The following KCNIP3 variants were observed in gnomAD, a reference collection of about 807,000 sequenced individuals.
KCNIP3 encodes calsenilin.
In KCNIP3, 28 loss-of-function variants were observed where a neutral mutation model predicts 35.0. The observed-to-expected ratio is 0.80, with a 90% CI of 0.59 to 1.10. The LOEUF is 1.10. Ranked by LOEUF, KCNIP3 falls within the 50% of genes least tolerant of loss-of-function variation. KCNIP3 has a pLI of 0.00. For missense variants in KCNIP3, 295 were observed against 338.4 expected (o/e 0.87, Z 1.01); for synonymous variants, 134 against 133.8 (o/e 1.00, Z -0.01).
At chr2:95,379,128 C>A (rs545200917) in intron 5 of KCNIP3, among the ~76,000 whole-genome samples, 1 of 151,840 alleles carries the variant, frequency 6.6e-6, no homozygotes, top group Non-Finnish European at 1.5e-5. Context: ...GTCCCCCCAG[C>A]CCCCCACCCA....
chr2:95,354,607 C>T (rs1679609083), intron 2 of KCNIP3, among the ~76,000 whole-genome samples: 1 of 152,154 alleles, frequency 6.6e-6, no homozygotes, highest in Non-Finnish European at 1.5e-5. Context: ...TGGGAGGTGA[C>T]CCCAAACACT....
At chr2:95,362,432 A>G (rs761036691) in intron 2 of KCNIP3, among the ~76,000 whole-genome samples, 1 of 152,102 alleles carries the variant, frequency 6.6e-6, no homozygotes, top group Non-Finnish European at 1.5e-5. Flanking sequence ...TAAGGCTACC[A>G]ATCTTATGGG....
chr2:95,349,094 C>T (rs561951834), intron 2 of KCNIP3, among the ~76,000 whole-genome samples: 3 of 152,106 alleles, frequency 2.0e-5, no homozygotes, highest in South Asian at 2.1e-4. Context: ...GACACCCCCC[C>T]CCGCCCCCCG....
intron 2 of KCNIP3, among the ~76,000 whole-genome samples, chr2:95,324,251 C>T (rs1398634667): frequency 6.6e-6 from 1 of 152,224 alleles, no homozygotes; most frequent in Non-Finnish European, 1.5e-5. Context: ...GTGGCTCACG[C>T]CTGTAATCCC....
At chr2:95,302,362 G>A (rs1307243347) in intron 1 of KCNIP3, among the ~76,000 whole-genome samples, 1 of 152,242 alleles carries the variant, frequency 6.6e-6, no homozygotes, top group African/African-American at 2.4e-5. Flanking sequence ...AATTCCCCAA[G>A]CTGCATTTTC....
chr2:95,310,552 G>A, intron 2 of KCNIP3, 32 bp downstream of exon 2: 1 of 1,603,544 alleles, frequency 6.2e-7, no homozygotes, highest in Non-Finnish European at 8.5e-7. Context: ...GGTCAAGGGT[G>A]GGGGTGGGGA....
intron 5 of KCNIP3, among the ~76,000 whole-genome samples, chr2:95,379,965 A>G (rs761956129): frequency 1.2e-4 from 19 of 152,128 alleles, no homozygotes; most frequent in Non-Finnish European, 2.5e-4. Flanking sequence ...CTCTGCTTCC[A>G]TTCTGGGAAA....
chr2:95,382,339 C>G lies in KCNIP3; in HGVS notation c.556-38C>G, dbSNP rs376353503. 2 of 1,442,004 alleles carry G rather than the reference C, an allele frequency of 1.4e-6. No homozygotes were observed. The highest frequency in any genetic ancestry group is 9.4e-7 in the Non-Finnish European group (1 of 1,061,246). The allele number at this position is 1,442,004 out of a possible 1,614,324, so 89.3% of individuals were successfully genotyped here. A position where few individuals can be genotyped will look rare whatever the true frequency, so the allele number is the denominator to read the frequency against. On this transcript the variant is annotated intron_variant, in intron 6 of 8. Coordinates refer to ENST00000295225, the MANE Select transcript of KCNIP3 (RefSeq NM_013434.5). The surrounding 1 kb of genome is among the most constrained non-coding windows in gnomAD (Gnocchi z 4.5). ...TCCCTTTGGGCCCTCACAGCCACCCCGGCCTTGCAGCAGGCTCATGCCAGC... is the reference window on the plus strand; with the variant it reads ...TCCCTTTGGGCCCTCACAGCCACCCGGGCCTTGCAGCAGGCTCATGCCAGC...
Position 95,382,611 on chromosome 2 carries a change from C to T in KCNIP3, c.660+130C>T. On this transcript the variant is annotated intron_variant, in intron 7 of 8. Transcript: ENST00000295225. This position sits in a 1 kb window ranked among gnomAD's most constrained non-coding sequence, Gnocchi z 4.5. ...ACTCCCCATGAGGAGGTTAAACTTG[C>T]CCCTCCAGTCTGGCTGGTTGTCAGA... is the stretch of plus-strand genomic sequence containing the variant. 1 of 592,774 alleles carries T rather than the reference C, an allele frequency of 1.7e-6. No individual in the cohort carries two copies. The highest frequency in any genetic ancestry group is 2.2e-5 in the South Asian group (1 of 44,696). 36.7% of individuals were successfully genotyped at this position (592,774 alleles called of 1,614,324 possible). A position where few individuals can be genotyped will look rare whatever the true frequency, so the allele number is the denominator to read the frequency against.
chr2:95,380,488 C>A (rs765094343), intron 5 of KCNIP3, among the ~76,000 whole-genome samples: 1 of 152,226 alleles, frequency 6.6e-6, no homozygotes, highest in Non-Finnish European at 1.5e-5. Flanking sequence ...GCCCCTTTCT[C>A]ACCCCTTTCT....
At chr2:95,345,378 T>C (rs952550231) in intron 2 of KCNIP3, among the ~76,000 whole-genome samples, 18 of 152,212 alleles carry the variant, frequency 1.2e-4, no homozygotes, top group Non-Finnish European at 2.4e-4. Flanking sequence ...CTCAAAGGCT[T>C]GGCACACGTA....
intron 1 of KCNIP3, among the ~76,000 whole-genome samples, chr2:95,305,530 T>C (rs1678145152): frequency 6.6e-6 from 1 of 152,154 alleles, no homozygotes; most frequent in South Asian, 2.1e-4. Context: ...GTGTGCATTT[T>C]TTGCTACAAT....
chr2:95,363,969 G>A (rs1679859632), intron 2 of KCNIP3, among the ~76,000 whole-genome samples: 1 of 152,132 alleles, frequency 6.6e-6, no homozygotes, highest in African/African-American at 2.4e-5. Flanking sequence ...TCTAAATAAT[G>A]TTAATTTTAT....
At chr2:95,316,345 C>T (rs870393) in intron 2 of KCNIP3, among the ~76,000 whole-genome samples, 115,102 of 152,144 alleles carry the variant, frequency 0.76, 43,896 homozygotes, top group African/African-American at 0.83. Flanking sequence ...GGGTGCGAGG[C>T]GCAGCAGCTC....
chr2:95,347,054 C>T (rs754293439), intron 2 of KCNIP3: 9 of 1,611,576 alleles, frequency 5.6e-6, no homozygotes, highest in Non-Finnish European at 6.8e-6. Flanking sequence ...TGCGCCATGG[C>T]CGTGGTGGTG....
At chr2:95,328,222 C>G (rs549988491) in intron 2 of KCNIP3, among the ~76,000 whole-genome samples, 3 of 152,204 alleles carry the variant, frequency 2.0e-5, no homozygotes, top group South Asian at 2.1e-4. Flanking sequence ...ACTCTCCCCC[C>G]TCCCCCGGCC....
intron 2 of KCNIP3, among the ~76,000 whole-genome samples, chr2:95,320,440 C>T (rs544418203): frequency 1.1e-4 from 16 of 152,150 alleles, no homozygotes; most frequent in East Asian, 7.7e-4. Context: ...GGGGTGTGGG[C>T]GGGTCCCGGG....
intron 7 of KCNIP3, 33 bp from the exon 8 acceptor site, chr2:95,383,197 GCA>G: frequency 6.2e-7 from 1 of 1,610,102 alleles, no homozygotes; most frequent in Non-Finnish European, 8.5e-7. Context: ...CTCTGCTGGG[GCA>G]CAGACTCACT....
chr2:95,323,203 G>A lies in KCNIP3; in HGVS notation c.181+12683G>A, dbSNP rs191291462. Among the ~76,000 whole-genome samples the A allele has an allele frequency of 1.1e-3, 168 of 152,352 alleles. 3 individuals carry two copies. The highest frequency in any genetic ancestry group is 3.4e-3 in the African/African-American group (140 of 41,586). Reference sequence around the variant, plus strand: ...TGCAGAGCCACCTGCCCAGGCACAGGGCCGTTTGGCCCCATGGCCACCTTC... The same window carrying A: ...TGCAGAGCCACCTGCCCAGGCACAGAGCCGTTTGGCCCCATGGCCACCTTC... On this transcript the variant is annotated intron_variant, in intron 2 of 8. Transcript: ENST00000295225.
Sources: gnomAD v4.1 joint callset for allele counts (sites outside exome capture counted in the v4.1 genomes callset) on GRCh38, gnomAD v4.1.1 for gene constraint, Gnocchi (gnomAD v3.1) non-coding constraint, MANE v1.5 for transcripts, NCBI Gene and HGNC (gene_info 2026-07-23, HGNC 2026-07-21) for gene names.